SLC37A1: variants seen among roughly 807,000 people sequenced by gnomAD.
SLC37A1 encodes glucose-6-phosphate exchanger SLC37A1.
Under a neutral mutation model 75.3 loss-of-function variants are expected in SLC37A1, and 49 were observed. The ratio of observed to expected loss-of-function variants is 0.65; its 90% confidence interval spans 0.52 to 0.83. SLC37A1 has a LOEUF of 0.83. SLC37A1 is among the 40% of genes least tolerant of loss of function. The probability of loss-of-function intolerance (pLI) is 0.00; values close to 1 mark genes in which losing one functional copy is unlikely to be tolerated. For synonymous variants in SLC37A1, 268 were observed against 292.1 expected, an observed-to-expected ratio of 0.92 and a Z score of 0.84; for missense variants, 566 against 695.0, an observed-to-expected ratio of 0.81 and a Z score of 2.09.
chr21:42,535,222 A>G (rs1477534648), intron 4 of SLC37A1, among the ~76,000 whole-genome samples: 1 of 152,234 alleles, frequency 6.6e-6, no homozygotes, highest in African/African-American at 2.4e-5. Flanking sequence ...CACCATGCAC[A>G]ATGGGGATTT....
chr21:42,517,881 A>C (rs530140590), intron 1 of SLC37A1, among the ~76,000 whole-genome samples: 3 of 152,334 alleles, frequency 2.0e-5, no homozygotes, highest in South Asian at 4.1e-4. Context: ...GGCCTGGTCC[A>C]TAGGGGTGGA....
intron 6 of SLC37A1, 55 bp downstream of exon 6, chr21:42,539,702 T>A: frequency 6.4e-7 from 1 of 1,557,836 alleles, no homozygotes; most frequent in Non-Finnish European, 8.7e-7. Context: ...GTGAATAGGG[T>A]GGAGTGTTTA....
chr21:42,521,114 G>A (rs534770987), intron 2 of SLC37A1, among the ~76,000 whole-genome samples: 1 of 152,182 alleles, frequency 6.6e-6, no homozygotes, highest in African/African-American at 2.4e-5. Flanking sequence ...CCCGTGGGGC[G>A]GCAGCTTGAG....
At chr21:42,542,841 C>G (rs1276470302) in intron 7 of SLC37A1, among the ~76,000 whole-genome samples, 2 of 152,376 alleles carry the variant, frequency 1.3e-5, no homozygotes, top group East Asian at 3.9e-4. Flanking sequence ...GGTCACCCAG[C>G]GCACAGCACC....
At chr21:42,563,791 C>T (rs778334351) in intron 12 of SLC37A1, 24 bp from the exon 13 acceptor site, 1 of 1,613,318 alleles carries the variant, frequency 6.2e-7, no homozygotes, top group South Asian at 1.1e-5. Flanking sequence ...CTCACTGTTT[C>T]ACACTCCGTT....
At chr21:42,508,555 A>T (rs2054405811) in intron 2 of SLC37A1, 1 of 152,164 alleles carries the variant, frequency 6.6e-6, no homozygotes, top group Non-Finnish European at 1.5e-5. Context: ...CACATACCTG[A>T]CCTCATTCTA....
intron 10 of SLC37A1, among the ~76,000 whole-genome samples, chr21:42,556,120 G>A (rs1398608077): frequency 1.3e-5 from 2 of 152,236 alleles, no homozygotes; most frequent in African/African-American, 4.8e-5. Context: ...AAAGCTGGGG[G>A]GCGGGGAGCA....
Position 42,554,194 on chromosome 21 carries a change from T to G in SLC37A1, c.849+52T>G. On this transcript the variant is annotated intron_variant, in intron 10 of 19. Transcript: ENST00000352133. ...TAGAATGTCGGAGCTGCAGGAAAAC[T>G]CCTTTGAGCCACGTCGGCTCTCTGT... is the stretch of plus-strand genomic sequence containing the variant. 1.9e-6 allele frequency: 3 copies of G among 1,546,754 alleles called. No individual in the cohort carries two copies. The South Asian group carries it at 3.4e-5, about 18-fold the overall frequency.
At position 42,514,692 on chromosome 21, in the gene SLC37A1, ACGC is replaced by A. The variant is rs2054488180; in HGVS notation, c.-201_-199del. ...ACCAGCCTTCCAGCCCTTACGGCCC[ACGC>A]CGTAATCCTGGTGACCGAGAAGGTA... On this transcript the variant is annotated 5_prime_UTR_variant, in exon 1 of 20. Transcript: ENST00000352133. This position sits in a 1 kb window ranked among gnomAD's most constrained non-coding sequence, Gnocchi z 4.8. 6.6e-6 allele frequency: 1 copy of A among 152,244 alleles called. No individual in the cohort carries two copies. Among genetic ancestry groups the A allele is most frequent in the African/African-American group, 2.4e-5 (1 of 41,392 alleles). The allele number at this position is 152,244 out of a possible 1,614,324, so 9.4% of individuals were successfully genotyped here. A position where few individuals can be genotyped will look rare whatever the true frequency, so the allele number is the denominator to read the frequency against.
At chr21:42,575,971 T>C in intron 18 of SLC37A1, 1 of 983,882 alleles carries the variant, frequency 1.0e-6, no homozygotes, top group Middle Eastern at 5.2e-4. Context: ...ATCTGAAATA[T>C]CTTCTTTAGA....
At chr21:42,531,166 C>T (rs988234008) in intron 3 of SLC37A1, among the ~76,000 whole-genome samples, 1 of 152,156 alleles carries the variant, frequency 6.6e-6, no homozygotes, top group Non-Finnish European at 1.5e-5. Context: ...ATTGCCAGCT[C>T]CCAGCCCCAC....
intron 11 of SLC37A1, among the ~76,000 whole-genome samples, chr21:42,560,141 G>C (rs1453492473): frequency 6.6e-6 from 1 of 152,232 alleles, no homozygotes; most frequent in Admixed American, 6.5e-5. Context: ...AGCGGGAGGG[G>C]CACTGTAGGG....
upstream of SLC37A1, among the ~76,000 whole-genome samples, chr21:42,513,030 C>T (rs2054453840): frequency 1.3e-5 from 2 of 152,176 alleles, no homozygotes; most frequent in Admixed American, 1.3e-4. Context: ...ATTGTTTTAT[C>T]CGGGGGCAGG....
At chr21:42,538,781 C>A (rs561038628) in intron 5 of SLC37A1, among the ~76,000 whole-genome samples, 5 of 152,292 alleles carry the variant, frequency 3.3e-5, no homozygotes, top group South Asian at 2.1e-4. Flanking sequence ...TTTACCACCC[C>A]CCTCGAGGCT....
rs1252759149 is a variant in SLC37A1, at chr21:42,568,241, G to A, written c.1345-119G>A. 11 of 782,590 alleles carry A rather than the reference G, an allele frequency of 1.4e-5. No individual in the cohort carries two copies. The East Asian group carries it at 3.0e-4, about 21-fold the overall frequency. The allele number at this position is 782,590 out of a possible 1,614,324, so 48.5% of individuals were successfully genotyped here. On this transcript the variant is annotated intron_variant, in intron 16 of 19. Coordinates refer to ENST00000352133, the MANE Select transcript of SLC37A1 (RefSeq NM_001320537.2). Reference sequence around the variant, plus strand: ...AGCTTGGGGTGGAGTTTAAATAATGGGAAACACCCTCACGATGAGTTGTTT... The same window carrying A: ...AGCTTGGGGTGGAGTTTAAATAATGAGAAACACCCTCACGATGAGTTGTTT...
chr21:42,573,680 C>A (rs2056242648), intron 17 of SLC37A1, among the ~76,000 whole-genome samples: 1 of 151,810 alleles, frequency 6.6e-6, no homozygotes, highest in Non-Finnish European at 1.5e-5. Flanking sequence ...TTGAAAAAAA[C>A]AAGTGCCTAG....
chr21:42,521,050 G>A (rs2054636426), intron 2 of SLC37A1, among the ~76,000 whole-genome samples: 1 of 152,228 alleles, frequency 6.6e-6, no homozygotes, highest in African/African-American at 2.4e-5. Flanking sequence ...GTGGAGCGGG[G>A]ATGTGGAGCC....
rs546684534 is a variant in SLC37A1, at chr21:42,522,026, G to A, written c.56+3516G>A. 8.5e-5 allele frequency among the ~76,000 whole-genome samples: 13 copies of A among 152,334 alleles called. No homozygotes were observed. The East Asian group carries it at 1.9e-3, about 23-fold the overall frequency. ...TCTTCCAGCTCCTGCTGCTGCCGCC[G>A]TTCTTGGCTGGTGGCTGCATCACAC... On this transcript the variant is annotated intron_variant, in intron 2 of 19. Transcript: ENST00000352133.
chr21:42,531,672 G>A (rs1364539077), intron 3 of SLC37A1, among the ~76,000 whole-genome samples: 1 of 152,172 alleles, frequency 6.6e-6, no homozygotes, highest in Non-Finnish European at 1.5e-5. Context: ...GTGAGAATTT[G>A]CTCACCTGGC....
Sources: gnomAD v4.1 joint callset for allele counts (sites outside exome capture counted in the v4.1 genomes callset) on GRCh38, gnomAD v4.1.1 for gene constraint, Gnocchi (gnomAD v3.1) non-coding constraint, MANE v1.5 for transcripts, NCBI Gene and HGNC (gene_info 2026-07-23, HGNC 2026-07-21) for gene names.